NPNT: variants seen among roughly 807,000 people sequenced by gnomAD.
The protein encoded by NPNT is nephronectin, also known as preosteoblast EGF-like repeat protein with MAM domain.
In NPNT, 45 loss-of-function variants were observed where a neutral mutation model predicts 68.6. The observed-to-expected ratio is 0.66, with a 90% confidence interval of 0.52 to 0.84. The LOEUF is 0.84. Ranked by LOEUF, NPNT falls within the 40% of genes least tolerant of loss-of-function variation. NPNT has a pLI of 0.00. For missense variants in NPNT, 672 were observed against 714.8 expected, an observed-to-expected ratio of 0.94 and a Z score of 0.68; for synonymous variants, 233 against 253.3, an observed-to-expected ratio of 0.92 and a Z score of 0.76.
chr4:105,908,632 C>T lies in NPNT; in HGVS notation c.172+10631C>T, dbSNP rs28587050. 2.7e-3 allele frequency among the ~76,000 whole-genome samples: 414 copies of T among 151,508 alleles called. 2 individuals carry two copies. The highest frequency in any genetic ancestry group is 9.3e-3 in the African/African-American group (383 of 41,236). On this transcript the variant is annotated intron_variant, in intron 2 of 11. Transcript: ENST00000379987. Reference sequence around the variant, plus strand: ...AGGCTGGAGTGTAGTGGTGCAATCTCGGCTCACTGCAACCTCTGCCTCCTG... The same window carrying T: ...AGGCTGGAGTGTAGTGGTGCAATCTTGGCTCACTGCAACCTCTGCCTCCTG...
chr4:105,931,003 C>A (rs951289996), intron 3 of NPNT, among the ~76,000 whole-genome samples: 6 of 152,134 alleles, frequency 3.9e-5, no homozygotes, highest in African/African-American at 1.4e-4. Flanking sequence ...ACATACTGTA[C>A]TCTACAAGGC....
chr4:105,957,828 A>G (rs1731360417), intron 8 of NPNT, among the ~76,000 whole-genome samples: 1 of 152,154 alleles, frequency 6.6e-6, no homozygotes, highest in African/African-American at 2.4e-5. Flanking sequence ...AATTAGCAGG[A>G]AAGAGAGCAT....
chr4:105,953,535 T>C (rs1431385397), intron 8 of NPNT, among the ~76,000 whole-genome samples: 3 of 152,216 alleles, frequency 2.0e-5, no homozygotes, highest in Admixed American at 6.5e-5. Context: ...AGCCCTTTTA[T>C]TTGCTTTTCT....
intron 10 of NPNT, among the ~76,000 whole-genome samples, chr4:105,961,931 G>A (rs1377109770): frequency 1.3e-5 from 2 of 152,142 alleles, no homozygotes; most frequent in Non-Finnish European, 2.9e-5. Flanking sequence ...ACCAGCATTC[G>A]AAAAATTAGA....
Position 105,933,255 on chromosome 4 carries a change from G to T in NPNT, c.266-3754G>T, listed in dbSNP as rs540473902. ...CAGTAACAGGGAGACAGTAATTCCTGCCCTATTTGCCTGTGGGGTTGGCGT... is the reference window on the plus strand; with the variant it reads ...CAGTAACAGGGAGACAGTAATTCCTTCCCTATTTGCCTGTGGGGTTGGCGT... On this transcript the variant is annotated intron_variant, in intron 3 of 11. Transcript: ENST00000379987. Among the ~76,000 whole-genome samples, 256 of 152,250 alleles carry T rather than the reference G, an allele frequency of 1.7e-3. 1 individual carries two copies. Among genetic ancestry groups the T allele is most frequent in the African/African-American group, 5.9e-3 (247 of 41,558 alleles).
intron 3 of NPNT, chr4:105,932,788 G>C: frequency 2.1e-6 from 2 of 949,690 alleles, no homozygotes; most frequent in East Asian, 5.2e-5. Context: ...ATGTTCTGAA[G>C]ACTAGCCCAG....
intron 3 of NPNT, among the ~76,000 whole-genome samples, chr4:105,928,105 T>A (rs948938897): frequency 6.6e-6 from 1 of 152,150 alleles, no homozygotes; most frequent in Admixed American, 6.5e-5. Context: ...CATTTTTTAT[T>A]TGGAGAGACA....
chr4:105,962,967 G>A (rs2149407769), intron 10 of NPNT, among the ~76,000 whole-genome samples: 1 of 152,170 alleles, frequency 6.6e-6, no homozygotes, highest in African/African-American at 2.4e-5. Flanking sequence ...GCTCACCCCT[G>A]TAATCCCAGC....
intron 10 of NPNT, among the ~76,000 whole-genome samples, chr4:105,963,501 A>G (rs1177112142): frequency 6.6e-6 from 1 of 152,160 alleles, no homozygotes; most frequent in Non-Finnish European, 1.5e-5. Context: ...ATTAGGTTTT[A>G]TCACATTCAG....
At chr4:105,910,290 A>G (rs994642051) in intron 2 of NPNT, among the ~76,000 whole-genome samples, 2 of 152,206 alleles carry the variant, frequency 1.3e-5, no homozygotes, top group African/African-American at 4.8e-5. Context: ...GATGAACTGA[A>G]GCAAGGGTTC....
rs571351069 is a variant in NPNT at position 105,965,777 on chromosome 4, G to A, written c.1346-1411G>A. ...TATGTATTTTTAGTGATTCAAGTACGTGAATCAAGGATCTATTTCCCTGCA... is the reference window on the plus strand; with the variant it reads ...TATGTATTTTTAGTGATTCAAGTACATGAATCAAGGATCTATTTCCCTGCA... On this transcript the variant is annotated intron_variant, in intron 10 of 11. Transcript: ENST00000379987. Among the ~76,000 whole-genome samples the A allele has an allele frequency of 1.3e-4, 20 of 152,306 alleles. No individual in the cohort carries two copies. The South Asian group carries it at 3.5e-3, about 27-fold the overall frequency.
At chr4:105,967,113 AAAACTC>A in intron 10 of NPNT, 69 bp from the exon 11 acceptor site, 2 of 1,408,680 alleles carry the variant, frequency 1.4e-6, no homozygotes, top group Non-Finnish European at 1.9e-6. Flanking sequence ...AAAAAAAACT[AAAACTC>A]CTGTCCATGC....
intron 10 of NPNT, among the ~76,000 whole-genome samples, chr4:105,959,492 T>C (rs2149402432): frequency 6.6e-6 from 1 of 151,684 alleles, no homozygotes; most frequent in Non-Finnish European, 1.5e-5. Flanking sequence ...TAATAGGCAT[T>C]CCCCAGTTGT....
chr4:105,934,713 T>C (rs1387970686), intron 3 of NPNT, among the ~76,000 whole-genome samples: 2 of 152,246 alleles, frequency 1.3e-5, no homozygotes, highest in Non-Finnish European at 2.9e-5. Flanking sequence ...TTTCCACATT[T>C]ACCCATTGAA....
chr4:105,927,092 A>T (rs1156756098), intron 2 of NPNT: 1 of 267,628 alleles, frequency 3.7e-6, no homozygotes, highest in African/African-American at 2.2e-5. Flanking sequence ...TGTCTATTTG[A>T]GTATTGTCCT....
In NPNT at chr4:105,959,146, C is replaced by T. The variant is rs746805980; in HGVS notation, c.1345+20C>T. The T allele has an allele frequency of 6.7e-7, 1 of 1,499,684 alleles. No individual in the cohort carries two copies. Among genetic ancestry groups the T allele is most frequent in the South Asian group, 1.1e-5 (1 of 88,636 alleles). 92.9% of individuals were successfully genotyped at this position (1,499,684 alleles called of 1,614,324 possible). A position where few individuals can be genotyped will look rare whatever the true frequency, so the allele number is the denominator to read the frequency against. ...CAGCAGGTAAAACCATTTCATTTAA[C>T]TTTTTCTGGTACACATTTCAATGTG... On this transcript the variant is annotated intron_variant, in intron 10 of 11. Transcript: ENST00000379987.
Position 105,940,005 on chromosome 4 carries a change from T to C in NPNT, c.506-70T>C, listed in dbSNP as rs2149372870. On this transcript the variant is annotated intron_variant, in intron 5 of 11. Coordinates refer to ENST00000379987, the MANE Select transcript of NPNT (RefSeq NM_001033047.3). ...TAGGCAACCATTTGTAGTCAGTTAT[T>C]TATTTTGAAACCCACTCTGTCTTAA... The C allele has an allele frequency of 2.2e-6, 3 of 1,364,558 alleles. No individual in the cohort carries two copies. In the East Asian group the frequency reaches 6.9e-5, roughly 31 times the overall value. 84.5% of individuals were successfully genotyped at this position (1,364,558 alleles called of 1,614,324 possible).
chr4:105,900,487 C>G (rs139827808), intron 2 of NPNT, among the ~76,000 whole-genome samples: 93 of 152,302 alleles, frequency 6.1e-4, no homozygotes, highest in African/African-American at 2.0e-3. Flanking sequence ...CGTATCTGTA[C>G]AAAACATGCT....
intron 2 of NPNT, among the ~76,000 whole-genome samples, chr4:105,913,450 A>G (rs151315303): frequency 1.2e-4 from 18 of 152,220 alleles, no homozygotes; most frequent in African/African-American, 3.9e-4. Context: ...AACTGTTCCT[A>G]TGACTTACCA....
Sources: gnomAD v4.1 joint callset for allele counts (sites outside exome capture counted in the v4.1 genomes callset) on GRCh38, gnomAD v4.1.1 for gene constraint, MANE v1.5 for transcripts, NCBI Gene and HGNC (gene_info 2026-07-23, HGNC 2026-07-21) for gene names.